The following CATSPERB variants were observed in gnomAD, a reference collection of about 807,000 sequenced individuals.
The protein encoded by CATSPERB is catsper channel auxiliary subunit beta, also known as cation channel sperm-associated auxiliary subunit beta.
A neutral mutation model predicts 128.3 loss-of-function variants in CATSPERB; 93 were observed. The ratio of observed to expected loss-of-function variants is 0.72; its 90% CI spans 0.61 to 0.86. The LOEUF is 0.86. Ranked by LOEUF, CATSPERB falls within the 40% of genes least tolerant of loss-of-function variation. The probability of loss-of-function intolerance (pLI) is 0.00; values close to 1 mark genes in which losing one functional copy is unlikely to be tolerated. For missense variants in CATSPERB, 1,153 were observed against 1,329.5 expected (o/e 0.87, Z 2.06); for synonymous variants, 381 against 448.8 (o/e 0.85, Z 1.91).
chr14:91,725,293 C>A, intron 2 of CATSPERB, 125 bp from the exon 3 acceptor site: 1 of 446,096 alleles, frequency 2.2e-6, no homozygotes, highest in Non-Finnish European at 3.8e-6. Flanking sequence ...ATTTTAAATT[C>A]ACTTTAGGTA....
intron 22 of CATSPERB, chr14:91,592,408 C>T (rs1893425205): frequency 5.2e-6 from 1 of 193,022 alleles, no homozygotes; most frequent in African/African-American, 2.4e-5. Context: ...CTATTTCATA[C>T]TTGTCTTTCT....
At chr14:91,630,805 C>T (rs1273874439) in intron 17 of CATSPERB, among the ~76,000 whole-genome samples, 1 of 152,178 alleles carries the variant, frequency 6.6e-6, no homozygotes, top group Non-Finnish European at 1.5e-5. Flanking sequence ...AATCCAATAA[C>T]ATTCTCCAAT....
At position 91,580,994 on chromosome 14, in the gene CATSPERB, G is replaced by T; in HGVS notation, c.3246C>A (p.Gly1082=). Residue 1082 remains glycine (G), a synonymous_variant, in exon 27 of 27, where the codon GGC becomes GGA. Transcript: ENST00000256343. ...TTTGGAATGTCCTCCACGGATGGAT[G>T]CCTTGCAGTTGAAACATAAATGCTA... ...IFIAFMFQLQ[G]IHPWRTFQRW... 6.2e-7 allele frequency: 1 copy of T among 1,614,142 alleles called. No individual in the cohort carries two copies. The highest frequency in any genetic ancestry group is 8.5e-7 in the Non-Finnish European group (1 of 1,179,964).
At position 91,592,203 on chromosome 14, in the gene CATSPERB, G is replaced by C. The variant is rs1020110470; in HGVS notation, c.2710-201C>G. Reference sequence around the variant, plus strand: ...TAGTTGCCCCCTTGCTTGGTAATTTGAACCCAAGTATTACTCAGCCGCTTG... The same window carrying C: ...TAGTTGCCCCCTTGCTTGGTAATTTCAACCCAAGTATTACTCAGCCGCTTG... On this transcript the variant is annotated intron_variant, in intron 22 of 26. Transcript: ENST00000256343. 8.7e-6 allele frequency: 5 copies of C among 572,556 alleles called. No homozygotes were observed. In the African/African-American group the frequency reaches 9.4e-5, roughly 11 times the overall value. The allele number at this position is 572,556 out of a possible 1,614,324, so 35.5% of individuals were successfully genotyped here. A position where few individuals can be genotyped will look rare whatever the true frequency, so the allele number is the denominator to read the frequency against.
At chr14:91,611,494 C>T (rs930985695) in intron 20 of CATSPERB, among the ~76,000 whole-genome samples, 5 of 152,124 alleles carry the variant, frequency 3.3e-5, no homozygotes, top group Non-Finnish European at 5.9e-5. Context: ...CCTGTAGTCC[C>T]AGCTGCTTGG....
At chr14:91,661,094 G>A (rs1017399670) in intron 14 of CATSPERB, among the ~76,000 whole-genome samples, 1 of 152,132 alleles carries the variant, frequency 6.6e-6, no homozygotes, top group Non-Finnish European at 1.5e-5. Context: ...ATGATCCAAA[G>A]CATATGGTAT....
intron 4 of CATSPERB, among the ~76,000 whole-genome samples, chr14:91,721,045 A>G (rs1434753805): frequency 6.6e-6 from 1 of 152,152 alleles, no homozygotes; most frequent in Non-Finnish European, 1.5e-5. Flanking sequence ...ATGAGTAAGG[A>G]CCCTTATCTC....
chr14:91,701,319 C>A (rs1290153325), intron 7 of CATSPERB, among the ~76,000 whole-genome samples: 2 of 152,064 alleles, frequency 1.3e-5, no homozygotes, highest in African/African-American at 4.8e-5. Context: ...AGACAACAAC[C>A]CTCACCCTGG....
chr14:91,697,765 T>A (rs2139849389), intron 7 of CATSPERB, among the ~76,000 whole-genome samples: 1 of 152,352 alleles, frequency 6.6e-6, no homozygotes, highest in African/African-American at 2.4e-5. Context: ...AGTGCCATGC[T>A]GTTTTGGTTA....
At chr14:91,655,402 A>G (rs1894770083) in intron 15 of CATSPERB, among the ~76,000 whole-genome samples, 1 of 152,220 alleles carries the variant, frequency 6.6e-6, no homozygotes, top group South Asian at 2.1e-4. Context: ...GAGAATTCAG[A>G]ATAGCTGTTG....
chr14:91,714,162 G>A (rs928811050), intron 5 of CATSPERB, among the ~76,000 whole-genome samples: 1 of 151,522 alleles, frequency 6.6e-6, no homozygotes, highest in Non-Finnish European at 1.5e-5. Context: ...GATGAAGGGC[G>A]CCTATGTAAA....
chr14:91,648,700 GA>G (rs1245149605), intron 15 of CATSPERB, among the ~76,000 whole-genome samples: 1 of 152,082 alleles, frequency 6.6e-6, no homozygotes, highest in African/African-American at 2.4e-5. Flanking sequence ...GTGTGAATAT[GA>G]ACATTACTGC....
intron 1 of CATSPERB, 68 bp from the exon 2 acceptor site, chr14:91,729,547 A>G: frequency 1.3e-6 from 1 of 788,990 alleles, no homozygotes; most frequent in Non-Finnish European, 2.1e-6. Context: ...TTTTGCTATA[A>G]ACAACTACAA....
chr14:91,616,712 CTTA>C (rs920709023), intron 20 of CATSPERB, among the ~76,000 whole-genome samples: 67 of 97,082 alleles, frequency 6.9e-4, no homozygotes, highest in African/African-American at 2.4e-3. Context: ...TAATGAATTT[CTTA>C]TTATTTAAAG....
chr14:91,722,889 A>C (rs919303894), intron 4 of CATSPERB, among the ~76,000 whole-genome samples, 160 bp downstream of exon 4: 1 of 152,202 alleles, frequency 6.6e-6, no homozygotes, highest in African/African-American at 2.4e-5. Context: ...ATTTAAAAAT[A>C]TATGACTGTT....
chr14:91,719,382 C>A (rs1895992800), intron 5 of CATSPERB, 36 bp downstream of exon 5: 2 of 1,424,994 alleles, frequency 1.4e-6, no homozygotes, highest in South Asian at 1.3e-5. Flanking sequence ...TAAATCCAGA[C>A]CCAGGGGTAA....
chr14:91,632,973 G>T (rs1210804382), intron 17 of CATSPERB, among the ~76,000 whole-genome samples: 1 of 152,142 alleles, frequency 6.6e-6, no homozygotes. Flanking sequence ...AAAGCCAAGA[G>T]AAATTTGTAC....
chr14:91,730,013 G>A (rs1896187882), intron 1 of CATSPERB, among the ~76,000 whole-genome samples: 2 of 152,072 alleles, frequency 1.3e-5, no homozygotes, highest in Non-Finnish European at 2.9e-5. Flanking sequence ...TTGTTTCCAT[G>A]GTGAATTGCT....
At position 91,580,971 on chromosome 14, in the gene CATSPERB, TGGA is replaced by T; in HGVS notation, c.3266_3268del (p.Phe1089_Gln1090delinsTer). The stretch of plus-strand genomic sequence containing the variant: ...CTCTTGGTTTCTTCTAATCCATCTT[TGGA>T]ATGTCCTCCACGGATGGATGCCTTG... On this transcript the variant is annotated stop_gained and inframe_deletion, in exon 27 of 27. Coordinates refer to ENST00000256343, the MANE Select transcript of CATSPERB (RefSeq NM_024764.4). LOFTEE classifies it low-confidence loss of function (END_TRUNC). 1 of 1,614,252 alleles carries T rather than the reference TGGA, an allele frequency of 6.2e-7. No homozygotes were observed. Among genetic ancestry groups the T allele is most frequent in the Non-Finnish European group, 8.5e-7 (1 of 1,180,040 alleles).
Sources: gnomAD v4.1 joint callset for allele counts (sites outside exome capture counted in the v4.1 genomes callset) on GRCh38, gnomAD v4.1.1 for gene constraint, MANE v1.5 for transcripts, NCBI Gene and HGNC (gene_info 2026-07-23, HGNC 2026-07-21) for gene names.